The following NAALADL2 variants were observed in gnomAD, a reference collection of about 807,000 sequenced individuals.
NAALADL2 encodes the protein N-acetylated alpha-linked acidic dipeptidase like 2, also known as inactive N-acetylated-alpha-linked acidic dipeptidase-like protein 2.
Under a neutral mutation model 87.2 loss-of-function variants are expected in NAALADL2, and 76 were observed. That is an observed-to-expected ratio of 0.87 (90% CI 0.72 to 1.05). The LOEUF (loss-of-function observed/expected upper bound fraction) is 1.05. Ranked by LOEUF, NAALADL2 falls within the 50% of genes least tolerant of loss-of-function variation. The pLI is 0.00. For synonymous variants in NAALADL2, 354 were observed against 331.0 expected, an observed-to-expected ratio of 1.07 and a Z score of -0.75; for missense variants, 1,089 against 945.8, an observed-to-expected ratio of 1.15 and a Z score of -1.99.
chr3:175,063,321 G>T (rs73038483), intron 1 of NAALADL2, among the ~76,000 whole-genome samples: 1 of 152,154 alleles, frequency 6.6e-6, no homozygotes, highest in African/African-American at 2.4e-5. Flanking sequence ...GTATGTAGTT[G>T]CTTAATATAG....
At chr3:175,675,926 G>A (rs995488204) in intron 11 of NAALADL2, 1 of 152,126 alleles carries the variant, frequency 6.6e-6, no homozygotes, top group East Asian at 1.9e-4. Flanking sequence ...TAGTTGTAGT[G>A]CACTATTGTT....
intron 3 of NAALADL2, among the ~76,000 whole-genome samples, chr3:174,787,170 A>T (rs1200981021): frequency 6.6e-6 from 1 of 152,084 alleles, no homozygotes; most frequent in Non-Finnish European, 1.5e-5. Flanking sequence ...TTTGGGGGTT[A>T]GAGTTAGATT....
intron 10 of NAALADL2, among the ~76,000 whole-genome samples, chr3:175,579,653 TTTA>T (rs1719455416): frequency 6.6e-6 from 1 of 152,202 alleles, no homozygotes; most frequent in Non-Finnish European, 1.5e-5. Flanking sequence ...AGGTTTTAGA[TTTA>T]TTAACACCAT....
In NAALADL2 at chr3:175,037,356, G is replaced by A. The variant is rs149495105; in HGVS notation, c.44-59434G>A. On this transcript the variant is annotated intron_variant, in intron 1 of 13. Coordinates refer to ENST00000454872, the MANE Select transcript of NAALADL2 (RefSeq NM_207015.3). Reference sequence around the variant, plus strand: ...CTAGAAGAAGGGTAGGGGAAAGAGGGCTTCATACCTCAGGAGAACCAAAGA... The same window carrying A: ...CTAGAAGAAGGGTAGGGGAAAGAGGACTTCATACCTCAGGAGAACCAAAGA... 2.6e-3 allele frequency among the ~76,000 whole-genome samples: 399 copies of A among 152,264 alleles called. 1 individual carries two copies. The highest frequency in any genetic ancestry group is 8.8e-3 in the African/African-American group (367 of 41,548).
At chr3:174,515,006 A>G (rs1719830155) in intron 1 of NAALADL2, among the ~76,000 whole-genome samples, 1 of 152,156 alleles carries the variant, frequency 6.6e-6, no homozygotes, top group Admixed American at 6.5e-5. Flanking sequence ...ATGTTTACAA[A>G]TGAGTTCAAA....
At chr3:175,293,519 A>G (rs1045797740) in intron 4 of NAALADL2, among the ~76,000 whole-genome samples, 2 of 152,176 alleles carry the variant, frequency 1.3e-5, no homozygotes, top group Middle Eastern at 3.2e-3. Flanking sequence ...TATGGTTTGA[A>G]TATTTGTGTC....
At chr3:175,296,789 T>C (rs1430555866) in intron 4 of NAALADL2, among the ~76,000 whole-genome samples, 1 of 152,180 alleles carries the variant, frequency 6.6e-6, no homozygotes, top group African/African-American at 2.4e-5. Context: ...AGGATATTCA[T>C]TGGGCCCACT....
intron 1 of NAALADL2, among the ~76,000 whole-genome samples, chr3:175,023,755 T>C (rs915508284): frequency 8.5e-5 from 13 of 152,116 alleles, no homozygotes; most frequent in African/African-American, 2.7e-4. Context: ...CAATCTCCTA[T>C]AGACAGAGTA....
At chr3:174,468,898 G>C (rs1234455415) in intron 1 of NAALADL2, among the ~76,000 whole-genome samples, 1 of 151,272 alleles carries the variant, frequency 6.6e-6, no homozygotes, top group Non-Finnish European at 1.5e-5. Flanking sequence ...GAGTAGCTGG[G>C]ATTACAGGCA....
At chr3:175,050,898 G>C (rs1390763808) in intron 1 of NAALADL2, among the ~76,000 whole-genome samples, 3 of 152,044 alleles carry the variant, frequency 2.0e-5, no homozygotes, top group Non-Finnish European at 2.9e-5. Flanking sequence ...GTATCGATAA[G>C]ATGAAAAAAC....
At chr3:175,395,851 G>A (rs1769710725) in intron 5 of NAALADL2, among the ~76,000 whole-genome samples, 1 of 152,070 alleles carries the variant, frequency 6.6e-6, no homozygotes, top group Non-Finnish European at 1.5e-5. Flanking sequence ...TATTTTATGA[G>A]CAATGAAATG....
intron 4 of NAALADL2, among the ~76,000 whole-genome samples, chr3:175,323,753 C>T (rs953584706): frequency 1.3e-5 from 2 of 151,374 alleles, no homozygotes; most frequent in African/African-American, 4.8e-5. Context: ...TGCAGTGGCT[C>T]ACGCCTGTAA....
chr3:175,314,696 A>AGT (rs1287367035), intron 4 of NAALADL2, among the ~76,000 whole-genome samples: 1,164 of 87,814 alleles, frequency 0.013, 83 homozygotes, highest in African/African-American at 0.052. Flanking sequence ...ATATATATAT[A>AGT]TATATATATA....
At chr3:174,778,634 C>A (rs1434587667) in intron 3 of NAALADL2, among the ~76,000 whole-genome samples, 1 of 151,992 alleles carries the variant, frequency 6.6e-6, no homozygotes, top group Non-Finnish European at 1.5e-5. Context: ...TCCTAGACCC[C>A]CACCCTGCAA....
intron 7 of NAALADL2, among the ~76,000 whole-genome samples, chr3:175,465,575 G>C (rs531972252): frequency 2.7e-5 from 4 of 148,920 alleles, no homozygotes; most frequent in Non-Finnish European, 5.9e-5. Flanking sequence ...TGAGGTTCAA[G>C]CAATTCCCTG....
intron 4 of NAALADL2, among the ~76,000 whole-genome samples, chr3:175,310,518 T>C: frequency 6.6e-6 from 1 of 152,102 alleles, no homozygotes; most frequent in East Asian, 1.9e-4. Context: ...AGAGATATTT[T>C]ATACTTATTA....
intron 1 of NAALADL2, among the ~76,000 whole-genome samples, chr3:175,054,832 C>T (rs1244717233): frequency 1.3e-5 from 2 of 152,174 alleles, no homozygotes; most frequent in African/African-American, 4.8e-5. Context: ...GGCTGTATAA[C>T]TGCTCTGGAA....
At chr3:175,784,074 G>A (rs1474275310) in intron 13 of NAALADL2, among the ~76,000 whole-genome samples, 1 of 149,282 alleles carries the variant, frequency 6.7e-6, no homozygotes, top group Non-Finnish European at 1.5e-5. Context: ...TGGTGGATAA[G>A]CTTTTTGATG....
intron 3 of NAALADL2, among the ~76,000 whole-genome samples, chr3:174,817,039 A>G (rs970402140): frequency 2.0e-5 from 3 of 152,228 alleles, no homozygotes; most frequent in African/African-American, 7.2e-5. Flanking sequence ...AGGAACTTAA[A>G]GCAGCTAAAT....
Sources: gnomAD v4.1 joint callset for allele counts (sites outside exome capture counted in the v4.1 genomes callset) on GRCh38, gnomAD v4.1.1 for gene constraint, MANE v1.5 for transcripts, NCBI Gene and HGNC (gene_info 2026-07-23, HGNC 2026-07-21) for gene names.